The following CXADR variants were observed in gnomAD, a reference collection of about 807,000 sequenced individuals.
CXADR encodes the protein coxsackievirus and adenovirus receptor.
A neutral mutation model predicts 40.3 loss-of-function variants in CXADR; 20 were observed. The observed-to-expected ratio is 0.50, with a 90% confidence interval of 0.35 to 0.72. The LOEUF is 0.72. Ranked by LOEUF, CXADR falls within the 30% of genes least tolerant of loss-of-function variation. CXADR has a pLI of 0.01. For missense variants in CXADR, 332 were observed against 449.1 expected, an observed-to-expected ratio of 0.74 and a Z score of 2.36; for synonymous variants, 150 against 161.3, an observed-to-expected ratio of 0.93 and a Z score of 0.53.
the CXADR span, among the ~76,000 whole-genome samples, chr21:17,623,397 A>G: frequency 6.6e-6 from 1 of 152,108 alleles, no homozygotes; most frequent in Admixed American, 6.6e-5. Context: ...GTGCTTACTG[A>G]TATGTTTGTA....
chr21:17,561,258 C>A, intron 5 of CXADR, 80 bp from the exon 6 acceptor site: 2 of 828,644 alleles, frequency 2.4e-6, no homozygotes, highest in Non-Finnish European at 3.5e-6. Flanking sequence ...TGAAATCAAT[C>A]TAAAAATGTA....
At chr21:17,537,942 A>C (rs1026380652) in intron 1 of CXADR, among the ~76,000 whole-genome samples, 1 of 152,130 alleles carries the variant, frequency 6.6e-6, no homozygotes, top group African/African-American at 2.4e-5. Context: ...TTCTGGAGGA[A>C]GGGGCTGAAC....
At chr21:17,519,133 A>G in intron 1 of CXADR, 1 of 681,134 alleles carries the variant, frequency 1.5e-6, no homozygotes, top group East Asian at 2.7e-5. Flanking sequence ...CTCCCCTCCA[A>G]GGCAAGCCTC....
chr21:17,562,409 C>T (rs1161380384), intron 6 of CXADR, among the ~76,000 whole-genome samples: 1 of 152,194 alleles, frequency 6.6e-6, no homozygotes, highest in Non-Finnish European at 1.5e-5. Flanking sequence ...GCAACCTCTG[C>T]CCCCTGGGTT....
chr21:17,537,599 C>T (rs1354100984), intron 1 of CXADR, among the ~76,000 whole-genome samples: 1 of 152,022 alleles, frequency 6.6e-6, no homozygotes, highest in Non-Finnish European at 1.5e-5. Flanking sequence ...GTGCATGTGC[C>T]ATCACTGATC....
chr21:17,570,202 C>T, downstream of CXADR: 1 of 983,834 alleles, frequency 1.0e-6, no homozygotes, highest in Middle Eastern at 5.2e-4. Flanking sequence ...TTTCCTTCCC[C>T]CCGTGTATCC....
chr21:17,513,311 A>G, intron 1 of CXADR, 139 bp downstream of exon 1: 2 of 843,254 alleles, frequency 2.4e-6, no homozygotes, highest in Non-Finnish European at 1.6e-6. Flanking sequence ...CGGGGCGGGC[A>G]GAATTGCACA....
At chr21:17,628,130 A>G in the CXADR span, among the ~76,000 whole-genome samples, 7 of 152,232 alleles carry the variant, frequency 4.6e-5, no homozygotes, top group Non-Finnish European at 8.8e-5. Flanking sequence ...AACCTTTAAA[A>G]GAAGCATCTA....
At chr21:17,608,636 C>T in the CXADR span, 1 of 238,584 alleles carries the variant, frequency 4.2e-6, no homozygotes, top group African/African-American at 2.2e-5. Context: ...CTACCATGCC[C>T]ATTAATGTGT....
intron 1 of CXADR, among the ~76,000 whole-genome samples, chr21:17,523,945 G>A (rs1356110657): frequency 4.0e-5 from 6 of 151,708 alleles, no homozygotes; most frequent in African/African-American, 7.3e-5. Context: ...TGCAACCTCC[G>A]CCTCCCAGGT....
At chr21:17,591,426 CATAAA>C (rs1187673738) in intron 7 of CXADR, among the ~76,000 whole-genome samples, 3 of 151,928 alleles carry the variant, frequency 2.0e-5, no homozygotes, top group East Asian at 1.9e-4. Flanking sequence ...TCTTCCTAAT[CATAAA>C]ATAAGAAATT....
chr21:17,622,328 A>T, the CXADR span, among the ~76,000 whole-genome samples: 128 of 152,170 alleles, frequency 8.4e-4, no homozygotes, highest in Admixed American at 8.2e-3. Context: ...TTAGTATATT[A>T]ATAATGTTTG....
At chr21:17,515,801 G>A (rs2060454516) in intron 1 of CXADR, among the ~76,000 whole-genome samples, 1 of 152,136 alleles carries the variant, frequency 6.6e-6, no homozygotes, top group African/African-American at 2.4e-5. Flanking sequence ...GCTAGACTCC[G>A]TCTCTGAAAC....
At chr21:17,531,438 T>C (rs34922462) in intron 1 of CXADR, among the ~76,000 whole-genome samples, 26,394 of 152,186 alleles carry the variant, frequency 0.17, 2,685 homozygotes, top group Non-Finnish European at 0.22. Context: ...CTTATTCTTT[T>C]TGTTATGGAA....
chr21:17,531,520 A>T (rs552195143), intron 1 of CXADR, among the ~76,000 whole-genome samples: 15 of 152,072 alleles, frequency 9.9e-5, no homozygotes, highest in African/African-American at 3.6e-4. Context: ...AGCTTTATCA[A>T]CTCTCAGCTC....
chr21:17,517,057 T>G, intron 1 of CXADR, among the ~76,000 whole-genome samples: 1 of 152,164 alleles, frequency 6.6e-6, no homozygotes. Flanking sequence ...TAATATATTA[T>G]TGGTCTTGCA....
intron 1 of CXADR, among the ~76,000 whole-genome samples, chr21:17,516,888 C>T (rs1427798552): frequency 6.6e-6 from 1 of 151,780 alleles, no homozygotes; most frequent in Non-Finnish European, 1.5e-5. Context: ...TCACAAGGCA[C>T]ACATATTTCA....
At chr21:17,522,291 G>A (rs1298118212) in intron 1 of CXADR, among the ~76,000 whole-genome samples, 2 of 151,698 alleles carry the variant, frequency 1.3e-5, no homozygotes, top group Non-Finnish European at 2.9e-5. Context: ...TGGGATTACA[G>A]GCATGCACCA....
chr21:17,582,087 G>C (rs2061365065), intron 7 of CXADR, among the ~76,000 whole-genome samples: 1 of 130 alleles, frequency 7.7e-3, no homozygotes. Flanking sequence ...GGGATTACAG[G>C]CACCTGCCAC....
Sources: allele counts gnomAD v4.1 joint callset (sites outside exome capture counted in the v4.1 genomes callset), GRCh38; gene constraint gnomAD v4.1.1; transcripts MANE v1.5; gene names NCBI Gene and HGNC (gene_info 2026-07-23, HGNC 2026-07-21).